Variants in RPL26L1 observed in about 807,000 individuals in gnomAD.
The protein encoded by RPL26L1 is ribosomal protein uL24-like.
A neutral mutation model predicts 15.2 loss-of-function variants in RPL26L1; 8 were observed. The observed-to-expected ratio is 0.53, with a 90% CI of 0.31 to 0.95. The LOEUF (loss-of-function observed/expected upper bound fraction) is 0.95. Ranked by LOEUF, RPL26L1 falls within the 40% of genes least tolerant of loss-of-function variation. The pLI, the probability that RPL26L1 is intolerant of heterozygous loss-of-function variation, is 0.05. For missense variants in RPL26L1, 146 were observed against 190.9 expected (o/e 0.76, Z 1.39); for synonymous variants, 51 against 65.9 (o/e 0.77, Z 1.09).
chr5:172,957,412 T>C (rs1166195555), upstream of RPL26L1: 1 of 374,540 alleles, frequency 2.7e-6, no homozygotes, highest in South Asian at 2.0e-5. Context: ...GATCTGTCTT[T>C]ACATGGCTTT....
upstream of RPL26L1, among the ~76,000 whole-genome samples, chr5:172,954,124 G>A (rs2113508150): frequency 6.6e-6 from 1 of 152,330 alleles, no homozygotes; most frequent in Middle Eastern, 3.4e-3. Flanking sequence ...CTGGTAGGAT[G>A]TGATTTGGGG....
intron 2 of RPL26L1, 57 bp downstream of exon 2, chr5:172,960,098 C>G: frequency 6.3e-7 from 1 of 1,595,338 alleles, no homozygotes; most frequent in Middle Eastern, 1.7e-4. Context: ...GAACGTCATG[C>G]GTGGAGCAGT....
upstream of RPL26L1, chr5:172,955,021 A>T (rs140665676): frequency 2.2e-6 from 1 of 455,954 alleles, no homozygotes; most frequent in Non-Finnish European, 4.4e-6. Context: ...GAGAAGCTGA[A>T]GTGTTGCAAA....
chr5:172,959,481 T>C lies in RPL26L1; in HGVS notation c.-10+13T>C, dbSNP rs887787491. On this transcript the variant is annotated intron_variant, in intron 1 of 3. Transcript: ENST00000265100. ...AGCTAGTAGCCGGGTGAGTGGAGGC[T>C]GGAGTTTTCTCGGACAGTGAACTCT... The C allele has an allele frequency of 2.4e-5, 25 of 1,025,184 alleles. No homozygotes were observed. Among genetic ancestry groups the C allele is most frequent in the Middle Eastern group, 4.8e-4 (1 of 2,062 alleles). The allele number at this position is 1,025,184 out of a possible 1,614,324, so 63.5% of individuals were successfully genotyped here. A position where few individuals can be genotyped will look rare whatever the true frequency, so the allele number is the denominator to read the frequency against.
chr5:172,959,346 G>A, upstream of RPL26L1: 3 of 1,000,804 alleles, frequency 3.0e-6, no homozygotes, highest in Non-Finnish European at 3.6e-6. Context: ...ACCCCAAGCC[G>A]CTGGGGGCGC....
chr5:172,958,580 G>A (rs1755076584), upstream of RPL26L1: 5 of 366,642 alleles, frequency 1.4e-5, no homozygotes, highest in Admixed American at 8.8e-5. Flanking sequence ...CTGCCGCCAC[G>A]GTGCCCACGG....
At chr5:172,968,138 T>A (rs1755539364) in intron 2 of RPL26L1, among the ~76,000 whole-genome samples, 1 of 152,124 alleles carries the variant, frequency 6.6e-6, no homozygotes, top group Non-Finnish European at 1.5e-5. Flanking sequence ...ACACTTCTGG[T>A]CTCAAGCATT....
upstream of RPL26L1, chr5:172,958,264 CAAAAA>C (rs5873347): frequency 8.0e-5 from 23 of 287,430 alleles, no homozygotes; most frequent in African/African-American, 9.2e-5. Context: ...AACTCTATCT[CAAAAA>C]AAAAAAAAAA....
In RPL26L1 at chr5:172,969,604, G is replaced by T. The variant is rs968524120; in HGVS notation, c.*63G>T. 7 of 1,495,852 alleles carry T rather than the reference G, an allele frequency of 4.7e-6. No homozygotes were observed. The highest frequency in any genetic ancestry group is 3.9e-5 in the Admixed American group (2 of 51,004). 92.7% of individuals were successfully genotyped at this position (1,495,852 alleles called of 1,614,324 possible). On this transcript the variant is annotated 3_prime_UTR_variant, in exon 4 of 4. Transcript: ENST00000265100. Reference sequence around the variant, plus strand: ...TTTGAGGCTAGGGTGTGTTTCTTTCGAACTTTTCGGAATGTCTGGAACATT... The same window carrying T: ...TTTGAGGCTAGGGTGTGTTTCTTTCTAACTTTTCGGAATGTCTGGAACATT...
upstream of RPL26L1, among the ~76,000 whole-genome samples, chr5:172,956,756 G>A (rs1754988663): frequency 6.6e-6 from 1 of 151,962 alleles, no homozygotes; most frequent in Admixed American, 6.6e-5. Flanking sequence ...TAACCAACAT[G>A]GTGAAACCCT....
At chr5:172,967,904 A>C (rs189383393) in intron 2 of RPL26L1, among the ~76,000 whole-genome samples, 2 of 151,746 alleles carry the variant, frequency 1.3e-5, no homozygotes, top group African/African-American at 4.8e-5. Flanking sequence ...ATGACATATA[A>C]ATACATATAC....
rs1244807779 is a variant in RPL26L1 at position 172,959,458 on chromosome 5, C to A, written c.-20C>A. On this transcript the variant is annotated 5_prime_UTR_variant, in exon 1 of 4. Transcript: ENST00000265100. ...CCTGCGCACTCAGGGTCTGAGGCAG[C>A]TAGTAGCCGGGTGAGTGGAGGCTGG... 3.0e-6 allele frequency: 3 copies of A among 1,015,548 alleles called. No homozygotes were observed. Among genetic ancestry groups the A allele is most frequent in the South Asian group, 7.5e-5 (2 of 26,516 alleles). 62.9% of individuals were successfully genotyped at this position (1,015,548 alleles called of 1,614,324 possible).
chr5:172,959,449 C>T lies in RPL26L1; in HGVS notation c.-29C>T, dbSNP rs528922193. ...ACTTCCGGCCCTGCGCACTCAGGGT[C>T]TGAGGCAGCTAGTAGCCGGGTGAGT... is the stretch of plus-strand genomic sequence containing the variant. On this transcript the variant is annotated 5_prime_UTR_variant, in exon 1 of 4. Transcript: ENST00000265100. The T allele has an allele frequency of 9.9e-7, 1 of 1,013,374 alleles. No individual in the cohort carries two copies. The highest frequency in any genetic ancestry group is 5.2e-5 in the Admixed American group (1 of 19,258). 62.8% of individuals were successfully genotyped at this position (1,013,374 alleles called of 1,614,324 possible).
At chr5:172,968,763 C>A (rs960475690) in intron 3 of RPL26L1, among the ~76,000 whole-genome samples, 164 bp downstream of exon 3, 1 of 141,820 alleles carries the variant, frequency 7.1e-6, no homozygotes, top group African/African-American at 2.6e-5. Flanking sequence ...TTTTTCTTCT[C>A]TTCTCTTTTC....
chr5:172,955,129 GTTTTTTTTTTTT>G, upstream of RPL26L1: 3 of 227,530 alleles, frequency 1.3e-5, no homozygotes, highest in South Asian at 5.6e-5. Context: ...GCTGTGGTTA[GTTTTTTTTTTTT>G]TTTTTTTTTT....
upstream of RPL26L1, chr5:172,959,172 A>G (rs1399615850): frequency 6.3e-6 from 1 of 157,844 alleles, no homozygotes; most frequent in Non-Finnish European, 1.4e-5. Flanking sequence ...CAGTGAGCCG[A>G]GCTCGCGCCA....
intron 3 of RPL26L1, among the ~76,000 whole-genome samples, chr5:172,968,879 C>T (rs1755578202): frequency 7.3e-6 from 1 of 137,292 alleles, no homozygotes; most frequent in South Asian, 2.4e-4. Context: ...GCGATCTCGG[C>T]TCACTGCAAC....
chr5:172,966,055 C>T (rs539762683), intron 2 of RPL26L1, among the ~76,000 whole-genome samples: 5 of 152,302 alleles, frequency 3.3e-5, no homozygotes, highest in South Asian at 4.1e-4. Flanking sequence ...GTCGACCAGC[C>T]GACTTAGTCT....
intron 2 of RPL26L1, among the ~76,000 whole-genome samples, chr5:172,961,609 CCT>C (rs1755236638): frequency 1.3e-5 from 2 of 152,328 alleles, no homozygotes; most frequent in South Asian, 4.1e-4. Context: ...CAGTCTATTC[CCT>C]GTCCCCACTA....
Sources: allele counts gnomAD v4.1 joint callset (sites outside exome capture counted in the v4.1 genomes callset), GRCh38; gene constraint gnomAD v4.1.1; transcripts MANE v1.5; gene names NCBI Gene and HGNC (gene_info 2026-07-23, HGNC 2026-07-21).